The following PARD3 variants were observed in gnomAD, a reference collection of about 807,000 sequenced individuals.
PARD3 encodes partitioning defective 3 homolog.
Under a neutral mutation model 155.4 loss-of-function variants are expected in PARD3, and 75 were observed. The ratio of observed to expected loss-of-function variants is 0.48; its 90% CI spans 0.40 to 0.58. PARD3 has a LOEUF of 0.58. PARD3 is among the 20% of genes least tolerant of loss of function. The probability of loss-of-function intolerance (pLI) is 0.00; values close to 1 mark genes in which losing one functional copy is unlikely to be tolerated. For missense variants in PARD3, 1,642 were observed against 1,721.7 expected (o/e 0.95, Z 0.82); for synonymous variants, 576 against 610.5 (o/e 0.94, Z 0.83).
At chr10:34,397,364 T>C (rs1168084449) in intron 7 of PARD3, among the ~76,000 whole-genome samples, 1 of 152,206 alleles carries the variant, frequency 6.6e-6, no homozygotes, top group Non-Finnish European at 1.5e-5. Context: ...CATATGAAAA[T>C]TGGTGATGCC....
chr10:34,273,067 TA>T (rs200839714), intron 21 of PARD3, among the ~76,000 whole-genome samples: 1 of 152,172 alleles, frequency 6.6e-6, no homozygotes, highest in Non-Finnish European at 1.5e-5. Context: ...GTAGTATCTT[TA>T]AAAATTAAAC....
chr10:34,163,590 A>T (rs1022325077), intron 22 of PARD3, among the ~76,000 whole-genome samples: 1 of 152,224 alleles, frequency 6.6e-6, no homozygotes, highest in Admixed American at 6.5e-5. Flanking sequence ...TTTTCTATAA[A>T]GGCCCTAATA....
chr10:34,410,711 G>T (rs1359598889), intron 5 of PARD3, among the ~76,000 whole-genome samples: 1 of 152,154 alleles, frequency 6.6e-6, no homozygotes, highest in Admixed American at 6.5e-5. Flanking sequence ...TTGCAAATCT[G>T]CATGTCTTAT....
intron 2 of PARD3, among the ~76,000 whole-genome samples, chr10:34,576,098 T>C (rs1261285273): frequency 6.6e-6 from 1 of 152,198 alleles, no homozygotes; most frequent in Non-Finnish European, 1.5e-5. Context: ...GCAGAATCAC[T>C]GATGTTTGCC....
At chr10:34,463,348 AAGGGGAAGGGG>A (rs2077795570) in intron 4 of PARD3, among the ~76,000 whole-genome samples, 1 of 81,350 alleles carries the variant, frequency 1.2e-5, no homozygotes, top group Non-Finnish European at 2.2e-5. Flanking sequence ...TGGGAAGGGG[AAGGGGAAGGGG>A]AGGGGAGGGG....
chr10:34,155,888 C>T (rs1948983183), intron 22 of PARD3, among the ~76,000 whole-genome samples: 1 of 152,112 alleles, frequency 6.6e-6, no homozygotes, highest in Non-Finnish European at 1.5e-5. Flanking sequence ...GGTCCACTCA[C>T]AATGCACAAC....
intron 22 of PARD3, among the ~76,000 whole-genome samples, chr10:34,255,935 C>G (rs1334053012): frequency 6.6e-6 from 1 of 152,108 alleles, no homozygotes; most frequent in Non-Finnish European, 1.5e-5. Flanking sequence ...TTGAGGGGAA[C>G]TTAGAATAAC....
chr10:34,479,758 T>C (rs1050772922), intron 3 of PARD3, among the ~76,000 whole-genome samples: 2 of 151,990 alleles, frequency 1.3e-5, no homozygotes, highest in African/African-American at 4.8e-5. Flanking sequence ...GTGTGTCCTG[T>C]ACTCTACAAG....
At chr10:34,523,498 A>C (rs994533175) in intron 2 of PARD3, among the ~76,000 whole-genome samples, 12 of 152,232 alleles carry the variant, frequency 7.9e-5, no homozygotes, top group Non-Finnish European at 1.5e-4. Flanking sequence ...GAATACTAGA[A>C]ACAAGAATAA....
chr10:34,744,116 C>T (rs1421365071), intron 1 of PARD3, among the ~76,000 whole-genome samples: 1 of 152,194 alleles, frequency 6.6e-6, no homozygotes, highest in Non-Finnish European at 1.5e-5. Context: ...CCAGTCACCA[C>T]GCTCCTCACC....
At chr10:34,261,757 A>AAAGG (rs1264812859) in intron 22 of PARD3, among the ~76,000 whole-genome samples, 3 of 80,468 alleles carry the variant, frequency 3.7e-5, no homozygotes, top group African/African-American at 9.6e-5. Context: ...AGGAAGGAAG[A>AAAGG]AAGGAAGGAA....
At chr10:34,668,644 T>C (rs79053407) in intron 2 of PARD3, among the ~76,000 whole-genome samples, 2,881 of 152,282 alleles carry the variant, frequency 0.019, 94 homozygotes, top group African/African-American at 0.066. Context: ...AGATATATCT[T>C]ATGGTACATA....
chr10:34,358,894 G>A (rs1017547681), intron 14 of PARD3, among the ~76,000 whole-genome samples: 2 of 152,114 alleles, frequency 1.3e-5, no homozygotes, highest in Admixed American at 6.6e-5. Context: ...TCAGCTAAAG[G>A]GGCTTTTGAG....
chr10:34,114,026 G>A (rs1350856303), intron 24 of PARD3, among the ~76,000 whole-genome samples: 1 of 152,176 alleles, frequency 6.6e-6, no homozygotes, highest in African/African-American at 2.4e-5. Flanking sequence ...GGAGGATGAG[G>A]TGGGAGGACT....
chr10:34,219,986 C>G (rs1193917498), intron 22 of PARD3, among the ~76,000 whole-genome samples: 3 of 152,124 alleles, frequency 2.0e-5, no homozygotes, highest in Non-Finnish European at 4.4e-5. Context: ...CCCTGTAAGC[C>G]TACTTAGATA....
chr10:34,350,148 GGGGTTACAGTTTTGTTTTAAATCTTTTGA>G (rs1837886368), intron 14 of PARD3, among the ~76,000 whole-genome samples: 1 of 152,238 alleles, frequency 6.6e-6, no homozygotes, highest in East Asian at 1.9e-4. Context: ...AAAACTGATT[GGGGTTACAGTTTTGTTTTAAATCTTTTGA>G]TGATTTTTTG....
rs566826813 is a variant in PARD3 at position 34,247,976 on chromosome 10, A to G, written c.3419+21681T>C. On this transcript the variant is annotated intron_variant, in intron 22 of 24. Transcript: ENST00000374788. ...TACTGATAAGTAACTGATTTACGGG[A>G]GTCCTACACATTTTTAGGCATCCCC... Among the ~76,000 whole-genome samples, 10 of 152,332 alleles carry G rather than the reference A, an allele frequency of 6.6e-5. No homozygotes were observed. The East Asian group carries it at 1.9e-3, about 29-fold the overall frequency.
intron 1 of PARD3, among the ~76,000 whole-genome samples, chr10:34,737,976 G>T (rs777172192): frequency 6.6e-6 from 1 of 152,190 alleles, no homozygotes; most frequent in South Asian, 2.1e-4. Context: ...GGCCCAGGAG[G>T]AAGAAGGCAA....
chr10:34,749,838 T>A (rs779068322), intron 1 of PARD3, among the ~76,000 whole-genome samples: 2 of 152,164 alleles, frequency 1.3e-5, no homozygotes, highest in Non-Finnish European at 2.9e-5. Context: ...CTGCGCAACA[T>A]GGTGAAACCC....
Sources: allele counts gnomAD v4.1 joint callset (sites outside exome capture counted in the v4.1 genomes callset), GRCh38; gene constraint gnomAD v4.1.1; transcripts MANE v1.5; gene names NCBI Gene and HGNC (gene_info 2026-07-23, HGNC 2026-07-21).